Variants in PARD3 observed in about 807,000 individuals in gnomAD.
The protein encoded by PARD3 is par-3 family cell polarity regulator.
In PARD3, 75 loss-of-function variants were observed where a neutral mutation model predicts 155.4. That is an observed-to-expected ratio of 0.48 (90% CI 0.40 to 0.58). The LOEUF (loss-of-function observed/expected upper bound fraction) is 0.58, where lower values mean the gene tolerates loss of function less well. PARD3 is among the 20% of genes least tolerant of loss of function. PARD3 has a pLI of 0.00. For missense variants in PARD3, 1,642 were observed against 1,721.7 expected, an observed-to-expected ratio of 0.95 and a Z score of 0.82; for synonymous variants, 576 against 610.5, an observed-to-expected ratio of 0.94 and a Z score of 0.83.
At chr10:34,193,003 C>T (rs1950782401) in intron 22 of PARD3, among the ~76,000 whole-genome samples, 1 of 152,164 alleles carries the variant, frequency 6.6e-6, no homozygotes. Flanking sequence ...AGGGCAAGCT[C>T]CTAAAACTGA....
intron 22 of PARD3, among the ~76,000 whole-genome samples, chr10:34,139,880 T>A (rs182868066): frequency 1.3e-3 from 193 of 152,318 alleles, no homozygotes; most frequent in African/African-American, 4.3e-3. Context: ...AACTACCAGA[T>A]ATTGACACCA....
chr10:34,541,896 G>A (rs1280467252), intron 2 of PARD3, among the ~76,000 whole-genome samples: 1 of 151,858 alleles, frequency 6.6e-6, no homozygotes, highest in Non-Finnish European at 1.5e-5. Context: ...TGGGAAGGTG[G>A]GACAGGGTCT....
Position 34,336,188 on chromosome 10 carries a change from T to C in PARD3, c.2605+11A>G. On this transcript the variant is annotated intron_variant, in intron 18 of 24. Coordinates refer to ENST00000374788, the MANE Select transcript of PARD3 (RefSeq NM_001184785.2). The stretch of plus-strand genomic sequence containing the variant: ...CGTTTCTATGGCAACAGTCTAACTG[T>C]CCATTCTTACCTGCTTTCTGGTCAT... 1 of 1,606,874 alleles carries C rather than the reference T, an allele frequency of 6.2e-7. No homozygotes were observed. The highest frequency in any genetic ancestry group is 1.1e-5 in the South Asian group (1 of 90,864).
intron 2 of PARD3, among the ~76,000 whole-genome samples, chr10:34,620,502 A>G (rs1160241524): frequency 6.6e-6 from 1 of 152,242 alleles, no homozygotes; most frequent in African/African-American, 2.4e-5. Flanking sequence ...TTTGGAATGC[A>G]TGCCCATTTC....
At chr10:34,158,872 T>C (rs1564441957) in intron 22 of PARD3, among the ~76,000 whole-genome samples, 1 of 152,234 alleles carries the variant, frequency 6.6e-6, no homozygotes, top group Admixed American at 6.5e-5. Flanking sequence ...GACATAGCCC[T>C]TGAACCTATC....
chr10:34,401,946 C>T (rs939274848), intron 5 of PARD3, 29 bp from the exon 6 acceptor site: 4 of 1,518,266 alleles, frequency 2.6e-6, no homozygotes, highest in Non-Finnish European at 3.7e-6. Flanking sequence ...AAGAAAAGTA[C>T]ACTCTGTGTT....
At chr10:34,500,301 A>C (rs960629293) in intron 3 of PARD3, among the ~76,000 whole-genome samples, 1 of 152,268 alleles carries the variant, frequency 6.6e-6, no homozygotes, top group Non-Finnish European at 1.5e-5. Flanking sequence ...AGATTAGTAA[A>C]TGCCCAAGAA....
chr10:34,375,033 T>C (rs1160406298), intron 10 of PARD3, 31 bp from the exon 11 acceptor site: 1 of 1,562,258 alleles, frequency 6.4e-7, no homozygotes, highest in East Asian at 2.3e-5. Flanking sequence ...TCAGCTGTAA[T>C]CCTGTGGAAA....
chr10:34,741,956 T>C (rs1040437987), intron 1 of PARD3, among the ~76,000 whole-genome samples: 3 of 152,090 alleles, frequency 2.0e-5, no homozygotes, highest in Admixed American at 6.5e-5. Flanking sequence ...AACAATAAGG[T>C]AAATTCATAA....
rs117810453 is a variant in PARD3, at chr10:34,369,536, T to C, written c.1707+2962A>G. ...ATAACTGATGAATAAATGCCAGTCA[T>C]AGATAGGACTGCAACGTTATAAGCA... On this transcript the variant is annotated intron_variant, in intron 12 of 24. Coordinates refer to ENST00000374788, the MANE Select transcript of PARD3 (RefSeq NM_001184785.2). Among the ~76,000 whole-genome samples the C allele has an allele frequency of 3.4e-3, 522 of 152,268 alleles. 2 individuals are homozygous for C. Among genetic ancestry groups the C allele is most frequent in the Non-Finnish European group, 5.9e-3 (402 of 68,020 alleles).
At chr10:34,526,680 A>G (rs1036757474) in intron 2 of PARD3, among the ~76,000 whole-genome samples, 1 of 152,192 alleles carries the variant, frequency 6.6e-6, no homozygotes, top group Admixed American at 6.5e-5. Context: ...CTCCATACCC[A>G]CACACCACCC....
At chr10:34,795,380 G>A (rs1842137624) in intron 1 of PARD3, among the ~76,000 whole-genome samples, 1 of 152,200 alleles carries the variant, frequency 6.6e-6, no homozygotes, top group Non-Finnish European at 1.5e-5. Flanking sequence ...AGAGGCCAAA[G>A]GAAGAGCCTC....
At chr10:34,162,073 T>C (rs986280527) in intron 22 of PARD3, among the ~76,000 whole-genome samples, 4 of 152,166 alleles carry the variant, frequency 2.6e-5, no homozygotes, top group African/African-American at 7.2e-5. Context: ...AGAACTCTCC[T>C]AGGCAGATAG....
At chr10:34,477,515 T>C (rs2078795842) in intron 3 of PARD3, among the ~76,000 whole-genome samples, 1 of 152,238 alleles carries the variant, frequency 6.6e-6, no homozygotes, top group South Asian at 2.1e-4. Context: ...ATGGCACTAA[T>C]GCACTGTAAA....
chr10:34,542,288 T>C (rs1589945850), intron 2 of PARD3, among the ~76,000 whole-genome samples: 1 of 151,508 alleles, frequency 6.6e-6, no homozygotes, highest in Non-Finnish European at 1.5e-5. Context: ...AAGTGAAATG[T>C]ATTTTTTACT....
chr10:34,486,873 T>C (rs996710738), intron 3 of PARD3, among the ~76,000 whole-genome samples: 3 of 152,082 alleles, frequency 2.0e-5, no homozygotes, highest in African/African-American at 4.8e-5. Flanking sequence ...TGTACACATA[T>C]ATAATTCAGC....
intron 19 of PARD3, among the ~76,000 whole-genome samples, chr10:34,320,809 T>C (rs1958325037): frequency 6.6e-6 from 1 of 152,234 alleles, no homozygotes; most frequent in South Asian, 2.1e-4. Flanking sequence ...ACTTGCACAT[T>C]GGAGGATTCT....
At chr10:34,551,699 C>A (rs898906015) in intron 2 of PARD3, among the ~76,000 whole-genome samples, 1 of 152,132 alleles carries the variant, frequency 6.6e-6, no homozygotes, top group Non-Finnish European at 1.5e-5. Flanking sequence ...GCTCAGGCTG[C>A]GGTTAGGCCA....
At chr10:34,617,515 G>A (rs1406360619) in intron 2 of PARD3, among the ~76,000 whole-genome samples, 7 of 152,154 alleles carry the variant, frequency 4.6e-5, no homozygotes, top group African/African-American at 1.7e-4. Context: ...AAAAATGTTT[G>A]AAGTGACTGA....
Sources: allele counts gnomAD v4.1 joint callset (sites outside exome capture counted in the v4.1 genomes callset), GRCh38; gene constraint gnomAD v4.1.1; transcripts MANE v1.5; gene names NCBI Gene and HGNC (gene_info 2026-07-23, HGNC 2026-07-21).